KIF24: variants seen among roughly 807,000 people sequenced by gnomAD.
KIF24 encodes the protein kinesin-like protein KIF24.
In KIF24, 81 loss-of-function variants were observed where a neutral mutation model predicts 118.9. That is an observed-to-expected ratio of 0.68 (90% confidence interval 0.57 to 0.82). KIF24 has a LOEUF of 0.82. Among genes scored for constraint, KIF24 ranks in the 40% least tolerant of loss-of-function variants. The pLI, the probability that KIF24 is intolerant of heterozygous loss-of-function variation, is 0.00. For missense variants in KIF24, 1,560 were observed against 1,661.6 expected, an observed-to-expected ratio of 0.94 and a Z score of 1.06; for synonymous variants, 599 against 610.0, an observed-to-expected ratio of 0.98 and a Z score of 0.27.
chr9:34,265,904 A>T (rs552175265), intron 8 of KIF24, among the ~76,000 whole-genome samples: 12 of 152,092 alleles, frequency 7.9e-5, no homozygotes, highest in African/African-American at 2.9e-4. Context: ...GAGACAGTTT[A>T]TTTTTTGAGA....
At position 34,257,435 on chromosome 9, in the gene KIF24, A is replaced by G. The variant is rs1351922549; in HGVS notation, c.2172T>C (p.Phe724=). 1 of 1,614,024 alleles carries G rather than the reference A, an allele frequency of 6.2e-7. No homozygotes were observed. Among genetic ancestry groups the G allele is most frequent in the Admixed American group, 1.7e-5 (1 of 60,030 alleles). ...KQLVSRVELS[F]GNAHHRAEYS... Reference sequence around the variant, plus strand: ...ACTCAGCCCTGTGGTGGGCGTTGCCAAAGGAGAGCTCAACTCGAGACACAA... The same window carrying G: ...ACTCAGCCCTGTGGTGGGCGTTGCCGAAGGAGAGCTCAACTCGAGACACAA... Residue 724 remains phenylalanine (F), a synonymous_variant, in exon 11 of 13, where the codon TTT becomes TTC. Transcript: ENST00000402558.
chr9:34,286,859 C>T (rs923971263), intron 5 of KIF24, among the ~76,000 whole-genome samples, 155 bp from the exon 6 acceptor site: 1 of 152,182 alleles, frequency 6.6e-6, no homozygotes, highest in African/African-American at 2.4e-5. Context: ...ACCCTCCTGA[C>T]CTCAGCCCGA....
intron 1 of KIF24, among the ~76,000 whole-genome samples, chr9:34,314,083 A>G (rs763710380): frequency 1.3e-5 from 2 of 151,136 alleles, no homozygotes; most frequent in Non-Finnish European, 2.9e-5. Context: ...ACCACATTCC[A>G]TTTTACAATG....
intron 8 of KIF24, among the ~76,000 whole-genome samples, chr9:34,266,043 C>A (rs1835274433): frequency 6.6e-6 from 1 of 151,974 alleles, no homozygotes; most frequent in Non-Finnish European, 1.5e-5. Context: ...CAGGCGTGTG[C>A]CACCACGCCC....
At chr9:34,271,088 C>G (rs995364896) in intron 7 of KIF24, among the ~76,000 whole-genome samples, 3 of 151,976 alleles carry the variant, frequency 2.0e-5, no homozygotes, top group Non-Finnish European at 4.4e-5. Context: ...GAGTGAAGCC[C>G]TATCTTACAA....
chr9:34,313,594 G>A (rs1206260612), intron 1 of KIF24, among the ~76,000 whole-genome samples: 3 of 151,626 alleles, frequency 2.0e-5, no homozygotes, highest in Non-Finnish European at 2.9e-5. Flanking sequence ...CTATAGGTGT[G>A]AGCCACCATG....
In KIF24 at chr9:34,257,759, G is replaced by A. The variant is rs767367343; in HGVS notation, c.1848C>T (p.Pro616=). The part of the protein sequence containing the change: ...GKVHPLTSHP[P]NIPFTSAPKV... ...TAGGTGCAGAAGTAAAAGGAATGTT[G>A]GGTGGGTGGCTGGTCAGAGGATGGA... The change falls in exon 11 of 13, where the codon CCC becomes CCT. Residue 616 remains proline, a synonymous_variant. Transcript: ENST00000402558. 1 of 1,614,016 alleles carries A rather than the reference G, an allele frequency of 6.2e-7. No homozygotes were observed. The highest frequency in any genetic ancestry group is 1.1e-5 in the South Asian group (1 of 91,084).
chr9:34,311,748 GTA>G (rs1269436857), intron 1 of KIF24, among the ~76,000 whole-genome samples: 18 of 132,984 alleles, frequency 1.4e-4, no homozygotes, highest in South Asian at 4.8e-4. Context: ...ACATATATAC[GTA>G]TATATGTGTA....
intron 4 of KIF24, among the ~76,000 whole-genome samples, chr9:34,293,188 A>G (rs2131760462): frequency 6.6e-6 from 1 of 152,298 alleles, no homozygotes; most frequent in South Asian, 2.1e-4. Context: ...GTCAGTAAGG[A>G]CATGAAAAGG....
intron 1 of KIF24, among the ~76,000 whole-genome samples, chr9:34,316,134 G>A (rs908039675): frequency 9.9e-5 from 15 of 151,934 alleles, no homozygotes; most frequent in Non-Finnish European, 4.4e-5. Flanking sequence ...GGTGGATCAC[G>A]AGGTCAGGAG....
upstream of KIF24, among the ~76,000 whole-genome samples, chr9:34,333,408 C>T (rs146494949): frequency 1.3e-4 from 20 of 152,154 alleles, no homozygotes; most frequent in East Asian, 3.3e-3. Context: ...GGGAAGGTCA[C>T]TTAAGGCCAG....
At chr9:34,275,270 TG>T (rs1476468416) in intron 6 of KIF24, among the ~76,000 whole-genome samples, 1 of 151,962 alleles carries the variant, frequency 6.6e-6, no homozygotes, top group Non-Finnish European at 1.5e-5. Context: ...GATGTACACT[TG>T]TAGTCCCAGC....
rs749044444 is a variant in KIF24 at position 34,290,338 on chromosome 9, G to A, written c.963C>T (p.Tyr321=). The A allele has an allele frequency of 3.1e-6, 5 of 1,613,856 alleles. No individual in the cohort carries two copies. Among genetic ancestry groups the A allele is most frequent in the Non-Finnish European group, 4.2e-6 (5 of 1,179,788 alleles). The change falls in exon 5 of 13, where the codon TAC becomes TAT. Residue 321 remains tyrosine (Y), a synonymous_variant. Coordinates refer to ENST00000402558, the MANE Select transcript of KIF24 (RefSeq NM_194313.4). ...AYGQTGAGKT[Y]TMIGTHENPG... ...GGTTCTCATGAGTTCCTATCATGGT[G>A]TAGGTCTTTCCAGCACCTGTCTGTC...
In KIF24 at chr9:34,317,826, T is replaced by C. The variant is rs74773516; in HGVS notation, c.-25-6455A>G. Among the ~76,000 whole-genome samples, 529 of 152,304 alleles carry C rather than the reference T, an allele frequency of 3.5e-3. 3 individuals are homozygous for C. Among genetic ancestry groups the C allele is most frequent in the South Asian group, 6.0e-3 (29 of 4,826 alleles). On this transcript the variant is annotated intron_variant, in intron 1 of 12. Coordinates refer to ENST00000402558, the MANE Select transcript of KIF24 (RefSeq NM_194313.4). ...ATTCAGATATGCCAAAGAGAAGCCATAGTGCTTCCTTTAAGTGAAAGAATG... is the reference window on the plus strand; with the variant it reads ...ATTCAGATATGCCAAAGAGAAGCCACAGTGCTTCCTTTAAGTGAAAGAATG...
chr9:34,252,546 T>TATTA lies in KIF24; in HGVS notation c.*1830_*1833dup, dbSNP rs1834631653. ...GTATGTCTTGGTGTGATAACTTCTT[T>TATTA]ATTACCAAGGCTGTTTTATGGGAGT... On this transcript the variant is annotated 3_prime_UTR_variant, in exon 13 of 13. Transcript: ENST00000402558. The TATTA allele has an allele frequency of 1.3e-5, 2 of 152,646 alleles. No homozygotes were observed. The highest frequency in any genetic ancestry group is 1.9e-4 in the East Asian group (1 of 5,196). The allele number at this position is 152,646 out of a possible 1,614,324, so 9.5% of individuals were successfully genotyped here.
intron 9 of KIF24, among the ~76,000 whole-genome samples, chr9:34,262,677 T>A (rs9298957): frequency 0.023 from 352 of 15,250 alleles, 11 homozygotes; most frequent in African/African-American, 0.1. Flanking sequence ...AAAAAAAAAA[T>A]ATATATATAT....
At chr9:34,262,661 AAAAAAAAAAAAAAAATATATATAT>A (rs1412260319) in intron 9 of KIF24, among the ~76,000 whole-genome samples, 16 of 44,864 alleles carry the variant, frequency 3.6e-4, no homozygotes, top group Admixed American at 1.1e-3. Context: ...AAAAAAAAAA[AAAAAAAAAAAAAAAATATATATAT>A]ATATATATAT....
chr9:34,275,077 T>A (rs1161993196), intron 6 of KIF24, among the ~76,000 whole-genome samples: 1 of 152,038 alleles, frequency 6.6e-6, no homozygotes, highest in East Asian at 1.9e-4. Flanking sequence ...TATTTGACAA[T>A]ACAACAGGGT....
chr9:34,325,450 T>C lies in KIF24; in HGVS notation c.-26+3656A>G, dbSNP rs541050252. On this transcript the variant is annotated intron_variant, in intron 1 of 12. Coordinates refer to ENST00000402558, the MANE Select transcript of KIF24 (RefSeq NM_194313.4). ...GCTCATGCCTGTAATCCCAGAACTT[T>C]GGGAGGCTGAGGTGGGTGGATCACT... Among the ~76,000 whole-genome samples the C allele has an allele frequency of 2.6e-5, 4 of 152,132 alleles. 1 individual carries two copies. Among genetic ancestry groups the C allele is most frequent in the African/African-American group, 2.4e-5 (1 of 41,536 alleles).
Sources: allele counts gnomAD v4.1 joint callset (sites outside exome capture counted in the v4.1 genomes callset), GRCh38; gene constraint gnomAD v4.1.1; transcripts MANE v1.5; gene names NCBI Gene and HGNC (gene_info 2026-07-23, HGNC 2026-07-21).